PARD3B: variants seen among roughly 807,000 people sequenced by gnomAD.
PARD3B encodes the protein par-3 family cell polarity regulator beta, also known as partitioning defective 3 homolog B.
In PARD3B, 103 loss-of-function variants were observed where a neutral mutation model predicts 130.2. That is an observed-to-expected ratio of 0.79 (90% CI 0.67 to 0.93). The LOEUF is 0.93. Among genes scored for constraint, PARD3B ranks in the 40% least tolerant of loss-of-function variants. The probability of loss-of-function intolerance (pLI) is 0.00; values close to 1 mark genes in which losing one functional copy is unlikely to be tolerated. For missense variants in PARD3B, 1,609 were observed against 1,499.2 expected (o/e 1.07, Z -1.21); for synonymous variants, 583 against 553.2 (o/e 1.05, Z -0.76).
chr2:205,045,025 C>T (rs1049233897), intron 3 of PARD3B, among the ~76,000 whole-genome samples: 3 of 150,996 alleles, frequency 2.0e-5, no homozygotes, highest in Non-Finnish European at 4.4e-5. Flanking sequence ...AGATACTCAA[C>T]AGGAGACATT....
intron 1 of PARD3B, among the ~76,000 whole-genome samples, chr2:204,560,809 G>T (rs1186240525): frequency 6.6e-6 from 1 of 152,084 alleles, no homozygotes; most frequent in Non-Finnish European, 1.5e-5. Flanking sequence ...AGTGGAGATA[G>T]AGGGAGCTGG....
At chr2:204,651,907 C>T (rs949846682) in intron 1 of PARD3B, among the ~76,000 whole-genome samples, 4 of 152,138 alleles carry the variant, frequency 2.6e-5, no homozygotes, top group Non-Finnish European at 4.4e-5. Context: ...AAGCTATGGC[C>T]CAAGCTGTAC....
chr2:205,416,916 C>T (rs2046794320), intron 19 of PARD3B, among the ~76,000 whole-genome samples: 3 of 151,878 alleles, frequency 2.0e-5, no homozygotes, highest in Admixed American at 1.3e-4. Flanking sequence ...AACAACTGAA[C>T]CTTTCTTTTC....
chr2:205,257,324 A>C (rs1038836350), intron 16 of PARD3B, among the ~76,000 whole-genome samples: 27 of 143,154 alleles, frequency 1.9e-4, no homozygotes, highest in Non-Finnish European at 4.0e-4. Context: ...TTTATTAGCC[A>C]ATCAGTTTTT....
chr2:204,550,412 C>CTGTGTGTGTGTGTGTGTG (rs3051346), intron 1 of PARD3B, among the ~76,000 whole-genome samples: 1 of 144,298 alleles, frequency 6.9e-6, no homozygotes, highest in East Asian at 2.1e-4. Flanking sequence ...GGAGGGCTGA[C>CTGTGTGTGTGTGTGTGTG]TGTGTGTGTG....
chr2:205,000,392 G>A (rs775191257), intron 3 of PARD3B, among the ~76,000 whole-genome samples: 1 of 152,066 alleles, frequency 6.6e-6, no homozygotes, highest in African/African-American at 2.4e-5. Context: ...GACGAGATAA[G>A]GTTAGAGAAA....
intron 1 of PARD3B, among the ~76,000 whole-genome samples, chr2:204,563,142 C>A (rs1380149547): frequency 6.6e-6 from 1 of 151,996 alleles, no homozygotes. Context: ...CAGCTTCTGG[C>A]AGCCCAGGGC....
At chr2:205,613,062 CTGTTT>C (rs1393693176) in intron 22 of PARD3B, among the ~76,000 whole-genome samples, 1 of 152,152 alleles carries the variant, frequency 6.6e-6, no homozygotes, top group Non-Finnish European at 1.5e-5. Context: ...TTATAATGCT[CTGTTT>C]TAAGAGAGAG....
At chr2:205,020,327 C>T (rs548737987) in intron 3 of PARD3B, among the ~76,000 whole-genome samples, 1 of 152,190 alleles carries the variant, frequency 6.6e-6, no homozygotes, top group East Asian at 1.9e-4. Flanking sequence ...TTGTATCATT[C>T]ACATTATTTT....
At chr2:205,517,551 G>A (rs554083993) in intron 21 of PARD3B, among the ~76,000 whole-genome samples, 1 of 151,856 alleles carries the variant, frequency 6.6e-6, no homozygotes, top group Non-Finnish European at 1.5e-5. Flanking sequence ...CATTGATCTT[G>A]TGACTGGTTT....
rs1360711021 is a variant in PARD3B at position 205,291,404 on chromosome 2, G to T, written c.2186-9126G>T. ...TGGATGGTAAAGGCCATTCTTATGA[G>T]GTCTCAGATGGAAATGAGGAACATG... On this transcript the variant is annotated intron_variant, in intron 16 of 22. Transcript: ENST00000406610. This position sits in a 1 kb window ranked among gnomAD's most constrained non-coding sequence, Gnocchi z 4.6. 6.6e-6 allele frequency among the ~76,000 whole-genome samples: 1 copy of T among 152,144 alleles called. No homozygotes were observed. Among genetic ancestry groups the T allele is most frequent in the Non-Finnish European group, 1.5e-5 (1 of 68,026 alleles).
intron 3 of PARD3B, among the ~76,000 whole-genome samples, chr2:205,012,675 G>A (rs1375109223): frequency 2.6e-5 from 4 of 152,172 alleles, no homozygotes; most frequent in African/African-American, 4.8e-5. Context: ...GCATACAACC[G>A]CATTAAAGAG....
At chr2:204,997,819 A>G (rs1259210333) in intron 3 of PARD3B, among the ~76,000 whole-genome samples, 1 of 150,656 alleles carries the variant, frequency 6.6e-6, no homozygotes, top group African/African-American at 2.4e-5. Context: ...TAGTTTTGCT[A>G]TACATTTATA....
At chr2:204,762,379 C>T (rs2040942926) in intron 2 of PARD3B, among the ~76,000 whole-genome samples, 1 of 151,984 alleles carries the variant, frequency 6.6e-6, no homozygotes, top group Non-Finnish European at 1.5e-5. Flanking sequence ...CCGGCTTGGC[C>T]TTCCAAAGTA....
intron 21 of PARD3B, among the ~76,000 whole-genome samples, chr2:205,536,841 A>G (rs1217765396): frequency 6.6e-6 from 1 of 152,188 alleles, no homozygotes; most frequent in Non-Finnish European, 1.5e-5. Context: ...AGCCTTCAGT[A>G]GGAAGAGTTC....
chr2:205,567,723 T>A (rs558814361), intron 22 of PARD3B, among the ~76,000 whole-genome samples: 1 of 151,892 alleles, frequency 6.6e-6, no homozygotes, highest in African/African-American at 2.4e-5. Context: ...CATTTTGGTG[T>A]CCTAGGCAGG....
chr2:204,920,853 A>G (rs2047650211), intron 2 of PARD3B, among the ~76,000 whole-genome samples: 1 of 152,094 alleles, frequency 6.6e-6, no homozygotes, highest in South Asian at 2.1e-4. Flanking sequence ...ATCGTGTTTG[A>G]CAGGTTTCTG....
chr2:204,759,313 C>A (rs1364195204), intron 2 of PARD3B, among the ~76,000 whole-genome samples: 2 of 152,012 alleles, frequency 1.3e-5, no homozygotes, highest in African/African-American at 4.8e-5. Context: ...TAAAACTTTT[C>A]AAATAAGTAT....
intron 4 of PARD3B, among the ~76,000 whole-genome samples, chr2:205,063,965 G>C (rs1700209881): frequency 6.6e-6 from 1 of 152,126 alleles, no homozygotes; most frequent in Non-Finnish European, 1.5e-5. Flanking sequence ...GAAGTCATTG[G>C]TGATTTCAGA....
Sources: allele counts gnomAD v4.1 joint callset (sites outside exome capture counted in the v4.1 genomes callset), GRCh38; gene constraint gnomAD v4.1.1; non-coding constraint Gnocchi (gnomAD v3.1); transcripts MANE v1.5; gene names NCBI Gene and HGNC (gene_info 2026-07-23, HGNC 2026-07-21).